SLC9A9: variants seen among roughly 807,000 people sequenced by gnomAD.
SLC9A9 encodes the protein sodium/hydrogen exchanger 9.
SLC9A9 carries 62 observed loss-of-function variants against 77.8 expected under a neutral mutation model. That is an observed-to-expected ratio of 0.80 (90% CI 0.65 to 0.98). The LOEUF (loss-of-function observed/expected upper bound fraction) is 0.98. Among genes scored for constraint, SLC9A9 ranks in the 50% least tolerant of loss-of-function variants. The pLI, the probability that SLC9A9 is intolerant of heterozygous loss-of-function variation, is 0.00. For synonymous variants in SLC9A9, 320 were observed against 283.5 expected (o/e 1.13, Z -1.29); for missense variants, 775 against 774.9 (o/e 1.00, Z 0.00).
At chr3:143,692,620 CAACTT>C (rs2108782223) in intron 5 of SLC9A9, among the ~76,000 whole-genome samples, 1 of 152,206 alleles carries the variant, frequency 6.6e-6, no homozygotes, top group South Asian at 2.1e-4. Flanking sequence ...TATCTTTAAA[CAACTT>C]AATTTAATAC....
At chr3:143,560,585 A>C (rs1401065113) in intron 8 of SLC9A9, among the ~76,000 whole-genome samples, 1 of 152,152 alleles carries the variant, frequency 6.6e-6, no homozygotes, top group Non-Finnish European at 1.5e-5. Context: ...ATTATCAAGA[A>C]AATCTGAGAG....
intron 2 of SLC9A9, among the ~76,000 whole-genome samples, chr3:143,804,725 G>A (rs1282036665): frequency 2.0e-5 from 3 of 152,080 alleles, no homozygotes; most frequent in African/African-American, 7.2e-5. Context: ...CGACAAAAAA[G>A]AGTTATTCCA....
At chr3:143,313,455 T>C (rs2031092815) in intron 14 of SLC9A9, 1 of 152,224 alleles carries the variant, frequency 6.6e-6, no homozygotes. Flanking sequence ...TCATCTAAGT[T>C]ACAGCCCTGC....
chr3:143,797,360 A>C (rs1022829770), intron 2 of SLC9A9, among the ~76,000 whole-genome samples: 13 of 152,158 alleles, frequency 8.5e-5, no homozygotes, highest in African/African-American at 3.1e-4. Context: ...TGATTTTTCT[A>C]GTATTTGTTT....
intron 5 of SLC9A9, chr3:143,655,497 A>G: frequency 2.0e-6 from 2 of 985,408 alleles, no homozygotes; most frequent in Non-Finnish European, 2.4e-6. Flanking sequence ...AACTTACTTT[A>G]GTTCCACTCA....
chr3:143,639,423 G>A (rs1245836900), intron 6 of SLC9A9, among the ~76,000 whole-genome samples: 2 of 152,214 alleles, frequency 1.3e-5, no homozygotes, highest in African/African-American at 4.8e-5. Context: ...GAGGGAATGA[G>A]AGGGAATCAC....
At chr3:143,605,483 G>A (rs1184602563) in intron 6 of SLC9A9, among the ~76,000 whole-genome samples, 1 of 152,160 alleles carries the variant, frequency 6.6e-6, no homozygotes, top group Non-Finnish European at 1.5e-5. Context: ...TGAACTTTCT[G>A]GTTATTTTTG....
chr3:143,625,930 C>A (rs1449321752), intron 6 of SLC9A9, among the ~76,000 whole-genome samples: 9 of 151,994 alleles, frequency 5.9e-5, no homozygotes, highest in African/African-American at 7.2e-5. Context: ...AAAAAAACAA[C>A]CAACCCCATC....
chr3:143,722,472 CAAAAAA>C (rs60995925), intron 4 of SLC9A9, among the ~76,000 whole-genome samples: 2 of 58,342 alleles, frequency 3.4e-5, no homozygotes, highest in South Asian at 1.2e-3. Flanking sequence ...GACTCCATCT[CAAAAAA>C]AAAAAAAAAA....
At chr3:143,456,790 C>T (rs1349401966) in intron 12 of SLC9A9, among the ~76,000 whole-genome samples, 1 of 152,030 alleles carries the variant, frequency 6.6e-6, no homozygotes, top group African/African-American at 2.4e-5. Flanking sequence ...GTCTCGAACT[C>T]CTGACCTCAT....
At chr3:143,735,627 G>A (rs1436933154) in intron 4 of SLC9A9, among the ~76,000 whole-genome samples, 1 of 152,198 alleles carries the variant, frequency 6.6e-6, no homozygotes, top group Non-Finnish European at 1.5e-5. Context: ...ATAGGATTCT[G>A]TAAACTCATT....
chr3:143,817,337 A>G (rs1210110654), intron 2 of SLC9A9, among the ~76,000 whole-genome samples: 1 of 150,278 alleles, frequency 6.7e-6, no homozygotes, highest in Non-Finnish European at 1.5e-5. Flanking sequence ...TTTAGTAGAG[A>G]CGGGGTTTCA....
intron 6 of SLC9A9, among the ~76,000 whole-genome samples, chr3:143,614,416 G>C (rs911467193): frequency 2.0e-5 from 3 of 152,080 alleles, no homozygotes; most frequent in Non-Finnish European, 4.4e-5. Flanking sequence ...CTTTCATACT[G>C]AGCCACAAAG....
At chr3:143,612,450 A>G (rs1306633963) in intron 6 of SLC9A9, among the ~76,000 whole-genome samples, 2 of 152,174 alleles carry the variant, frequency 1.3e-5, no homozygotes, top group African/African-American at 2.4e-5. Flanking sequence ...TTGAGCTCAC[A>G]TTGATCTTCA....
intron 12 of SLC9A9, among the ~76,000 whole-genome samples, chr3:143,455,131 A>G (rs566191005): frequency 6.6e-6 from 1 of 152,318 alleles, no homozygotes; most frequent in Admixed American, 6.5e-5. Context: ...GAATTCTACC[A>G]ACCACAGATA....
At chr3:143,526,329 G>C (rs2036405493) in intron 9 of SLC9A9, among the ~76,000 whole-genome samples, 1 of 152,232 alleles carries the variant, frequency 6.6e-6, no homozygotes, top group Non-Finnish European at 1.5e-5. Context: ...GTGTGTCACA[G>C]CCATGAGGAC....
At chr3:143,544,773 T>C (rs2036756447) in intron 9 of SLC9A9, among the ~76,000 whole-genome samples, 1 of 152,146 alleles carries the variant, frequency 6.6e-6, no homozygotes, top group Non-Finnish European at 1.5e-5. Flanking sequence ...ATTTTCTAGG[T>C]TTTCTTTTAG....
At chr3:143,644,048 G>C (rs1377385033) in intron 6 of SLC9A9, among the ~76,000 whole-genome samples, 1 of 151,806 alleles carries the variant, frequency 6.6e-6, no homozygotes, top group East Asian at 1.9e-4. Flanking sequence ...CTATCTATCT[G>C]CACCATGAAA....
chr3:143,474,814 G>C (rs1321590263), intron 11 of SLC9A9, among the ~76,000 whole-genome samples: 1 of 93,434 alleles, frequency 1.1e-5, no homozygotes, highest in African/African-American at 2.7e-5. Flanking sequence ...TTTGAACCAG[G>C]TTTGTTCTTG....
Sources: allele counts gnomAD v4.1 joint callset (sites outside exome capture counted in the v4.1 genomes callset), GRCh38; gene constraint gnomAD v4.1.1; transcripts MANE v1.5; gene names NCBI Gene and HGNC (gene_info 2026-07-23, HGNC 2026-07-21).